The following DMAC2 variants were observed in gnomAD, a reference collection of about 807,000 sequenced individuals.
The protein encoded by DMAC2 is distal membrane arm assembly component 2, also known as distal membrane-arm assembly complex protein 2.
DMAC2 carries 32 observed loss-of-function variants against 29.6 expected under a neutral mutation model. The ratio of observed to expected loss-of-function variants is 1.08; its 90% CI spans 0.81 to 1.45. DMAC2 has a LOEUF of 1.45. DMAC2 is among the 40% of genes most tolerant of loss of function. The probability of loss-of-function intolerance (pLI) is 0.00; values close to 1 mark genes in which losing one functional copy is unlikely to be tolerated. For missense variants in DMAC2, 319 were observed against 340.0 expected (o/e 0.94, Z 0.49); for synonymous variants, 133 against 137.4 (o/e 0.97, Z 0.23).
chr19:41,437,340 GA>G (rs2039920550), intron 2 of DMAC2, among the ~76,000 whole-genome samples: 1 of 151,980 alleles, frequency 6.6e-6, no homozygotes, highest in African/African-American at 2.4e-5. Flanking sequence ...AGATTGCAAT[GA>G]GCCATGATCA....
At chr19:41,433,046 A>G in intron 5 of DMAC2, 1 of 560,730 alleles carries the variant, frequency 1.8e-6, no homozygotes, top group Non-Finnish European at 3.1e-6. Flanking sequence ...AACAGCGTCG[A>G]TATCACACAG....
chr19:41,439,895 G>T lies in DMAC2; in HGVS notation c.5C>A (p.Ala2Glu). The change falls in exon 1 of 6, where the codon GCG becomes GAG. Residue 2 changes from alanine (A) to glutamate (E), a missense_variant. Physicochemically the swap from Ala to Glu is moderately radical, Grantham distance 107 (BLOSUM62 -1). Coordinates refer to ENST00000221943, the MANE Select transcript of DMAC2 (RefSeq NM_018035.3). M[A>E]APWASLRLVA... ...CCGGTCACTTACCGCCCAGGGAGCC[G>T]CCATCTTGCTAAGGTTTCGTAACCG... 1 of 1,614,172 alleles carries T rather than the reference G, an allele frequency of 6.2e-7. No individual in the cohort carries two copies. Among genetic ancestry groups the T allele is most frequent in the Non-Finnish European group, 8.5e-7 (1 of 1,180,040 alleles).
At position 41,433,381 on chromosome 19, in the gene DMAC2, C is replaced by A. The variant is rs782763663; in HGVS notation, c.487G>T (p.Asp163Tyr). 1 of 1,613,114 alleles carries A rather than the reference C, an allele frequency of 6.2e-7. No individual in the cohort carries two copies. Among genetic ancestry groups the A allele is most frequent in the South Asian group, 1.1e-5 (1 of 91,070 alleles). ...LSLQRCCHVD[D>Y]WCLSRLYPLA... is the part of the protein sequence containing the mutation. Reference sequence around the variant, plus strand: ...GGGTAGAGGCGGCTGAGACACCAGTCGTCCACGTGGCAGCAGCGCTGCAGC... The same window carrying A: ...GGGTAGAGGCGGCTGAGACACCAGTAGTCCACGTGGCAGCAGCGCTGCAGC... The change falls in exon 5 of 6, where the codon GAC (aspartate) becomes TAC (tyrosine). Residue 163 changes from aspartate to tyrosine, a missense_variant. Coordinates refer to ENST00000221943, the MANE Select transcript of DMAC2 (RefSeq NM_018035.3).
chr19:41,434,218 G>A (rs1208398778), intron 3 of DMAC2, among the ~76,000 whole-genome samples: 1 of 150,996 alleles, frequency 6.6e-6, no homozygotes, highest in African/African-American at 2.5e-5. Flanking sequence ...CTGGGTGACA[G>A]AGCGAGACTC....
At chr19:41,437,197 C>T (rs1208329255) in intron 2 of DMAC2, among the ~76,000 whole-genome samples, 4 of 151,838 alleles carry the variant, frequency 2.6e-5, no homozygotes, top group East Asian at 1.9e-4. Flanking sequence ...GTCAGGATTT[C>T]GAGACCAGCC....
chr19:41,432,481 A>AGTGTGT (rs1292238233), intron 5 of DMAC2, 73 bp from the exon 6 acceptor site: 21 of 1,469,590 alleles, frequency 1.4e-5, no homozygotes, highest in Non-Finnish European at 1.7e-5. Flanking sequence ...GGTACAGGAC[A>AGTGTGT]GCGTGTGCGT....
chr19:41,432,677 T>A (rs1194068232), intron 5 of DMAC2: 2 of 388,680 alleles, frequency 5.1e-6, no homozygotes, highest in Non-Finnish European at 9.2e-6. Flanking sequence ...TGTGTGTGTG[T>A]ATAGGGAGAT....
At chr19:41,437,065 GTGA>G (rs1435677128) in intron 2 of DMAC2, among the ~76,000 whole-genome samples, 1 of 152,142 alleles carries the variant, frequency 6.6e-6, no homozygotes, top group Non-Finnish European at 1.5e-5. Flanking sequence ...TTTTGAGCTG[GTGA>G]TGATAAGATT....
In DMAC2 at chr19:41,433,631, A is replaced by T. The variant is rs2039701126; in HGVS notation, c.339T>A (p.His113Gln). 1 of 1,614,112 alleles carries T rather than the reference A, an allele frequency of 6.2e-7. No homozygotes were observed. The highest frequency in any genetic ancestry group is 1.3e-5 in the African/African-American group (1 of 74,940). Reference protein sequence around the residue: ...KEWIRPDKYGHFSQEFWNFCE... With the variant: ...KEWIRPDKYGQFSQEFWNFCE... ...AGAAATTCCAGAACTCCTGAGAGAA[A>T]TGGCCATACTTATCTGGCCTGATCC... The change falls in exon 4 of 6, where the codon CAT becomes CAA. Residue 113 changes from histidine to glutamine, a missense_variant. His to Gln is a conservative substitution (Grantham distance 24, BLOSUM62 0). Coordinates refer to ENST00000221943, the MANE Select transcript of DMAC2 (RefSeq NM_018035.3).
rs782361522 is a variant in DMAC2 at position 41,433,643 on chromosome 19, A to C, written c.327T>G (p.Asp109Glu). The change falls in exon 4 of 6, where the codon GAT becomes GAG. Residue 109 changes from aspartate (D) to glutamate (E), a missense_variant. Asp to Glu is a conservative substitution (Grantham distance 45). Transcript: ENST00000221943. ...KFRDKEWIRPDKYGHFSQEFW... is the reference protein window; with the variant it reads ...KFRDKEWIRPEKYGHFSQEFW... Reference sequence around the variant, plus strand: ...ACTCCTGAGAGAAATGGCCATACTTATCTGGCCTGATCCACTCCTTGTCTC... The same window carrying C: ...ACTCCTGAGAGAAATGGCCATACTTCTCTGGCCTGATCCACTCCTTGTCTC... 3 of 1,614,088 alleles carry C rather than the reference A, an allele frequency of 1.9e-6. No homozygotes were observed. The African/African-American group carries it at 4.0e-5, about 22-fold the overall frequency.
chr19:41,439,496 ACCAAAT>A (rs1555772341), intron 1 of DMAC2: 2 of 1,536,974 alleles, frequency 1.3e-6, no homozygotes, highest in Admixed American at 3.9e-5. Context: ...GTCTTCTAAG[ACCAAAT>A]CCCACATCCT....
At chr19:41,436,520 C>A in intron 2 of DMAC2, 48 bp from the exon 3 acceptor site, 1 of 1,466,724 alleles carries the variant, frequency 6.8e-7, no homozygotes, top group Non-Finnish European at 9.6e-7. Flanking sequence ...AGCACCACAG[C>A]CCTCACGATG....
chr19:41,439,393 A>G, intron 1 of DMAC2: 1 of 1,027,446 alleles, frequency 9.7e-7, no homozygotes, highest in South Asian at 1.4e-5. Flanking sequence ...AGAACCTCCA[A>G]ATTGACCTCT....
At position 41,431,399 on chromosome 19, in the gene DMAC2, T is replaced by C. The variant is rs1207904925; in HGVS notation, c.*832A>G. ...AATAATGAGGGCTTCACTGGTAAAA[T>C]GCTTCTGAATTGACTGGAAATCCAT... On this transcript the variant is annotated 3_prime_UTR_variant, in exon 6 of 6. Transcript: ENST00000221943. 8 of 480,400 alleles carry C rather than the reference T, an allele frequency of 1.7e-5. No individual in the cohort carries two copies. The highest frequency in any genetic ancestry group is 9.9e-5 in the African/African-American group (5 of 50,732). 29.8% of individuals were successfully genotyped at this position (480,400 alleles called of 1,614,324 possible).
At chr19:41,437,142 G>A (rs1280182913) in intron 2 of DMAC2, among the ~76,000 whole-genome samples, 1 of 152,214 alleles carries the variant, frequency 6.6e-6, no homozygotes, top group Middle Eastern at 3.2e-3. Context: ...GCTCACGCCT[G>A]TAATCCCAGC....
At chr19:41,432,674 G>GTGTGTGTGTCTGTA (rs1349870222) in intron 5 of DMAC2, 1 of 358,408 alleles carries the variant, frequency 2.8e-6, no homozygotes, top group Admixed American at 4.9e-5. Context: ...GTGTGTGTGT[G>GTGTGTGTGTCTGTA]TGTATAGGGA....
chr19:41,432,619 TG>T, intron 5 of DMAC2: 1 of 317,380 alleles, frequency 3.2e-6, no homozygotes, highest in Middle Eastern at 1.0e-3. Flanking sequence ...AAGGACAGCA[TG>T]TGTGTGTGTG....
chr19:41,432,362 G>T lies in DMAC2; in HGVS notation c.643C>A (p.Pro215Thr). 1 of 1,614,124 alleles carries T rather than the reference G, an allele frequency of 6.2e-7. No homozygotes were observed. Among genetic ancestry groups the T allele is most frequent in the Non-Finnish European group, 8.5e-7 (1 of 1,180,024 alleles). ...DISDLPAVSN[P>T]GLTQILVEEM... ...TCCACCAATATCTGAGTGAGGCCAG[G>T]GTTGGACACGGCAGGGAGGTCCGAG... Residue 215 changes from proline to threonine, a missense_variant, in exon 6 of 6, where the codon CCT becomes ACT. Coordinates refer to ENST00000221943, the MANE Select transcript of DMAC2 (RefSeq NM_018035.3).
intron 1 of DMAC2, 109 bp downstream of exon 1, chr19:41,439,773 G>A: frequency 1.3e-6 from 2 of 1,559,512 alleles, no homozygotes; most frequent in South Asian, 1.1e-5. Context: ...GCCAGGCTTA[G>A]CCTGCTGCCT....
Sources: gnomAD v4.1 joint callset for allele counts (sites outside exome capture counted in the v4.1 genomes callset) on GRCh38, gnomAD v4.1.1 for gene constraint, MANE v1.5 for transcripts, NCBI Gene and HGNC (gene_info 2026-07-23, HGNC 2026-07-21) for gene names.